Variants in ADGRL3 observed in about 807,000 individuals in gnomAD.
ADGRL3 encodes the protein calcium-independent alpha-latrotoxin receptor 3.
In ADGRL3, 62 loss-of-function variants were observed where a neutral mutation model predicts 153.5. That is an observed-to-expected ratio of 0.40 (90% confidence interval 0.33 to 0.50). ADGRL3 has a LOEUF of 0.50. Among genes scored for constraint, ADGRL3 ranks in the 20% least tolerant of loss-of-function variants. ADGRL3 has a pLI of 0.47. For synonymous variants in ADGRL3, 710 were observed against 672.5 expected (o/e 1.06, Z -0.86); for missense variants, 1,641 against 1,859.4 (o/e 0.88, Z 2.16).
rs997522370 is a variant in ADGRL3, at chr4:61,200,684, T to G, written c.-1321T>G. On this transcript the variant is annotated 5_prime_UTR_variant, in exon 1 of 27. Coordinates refer to ENST00000683033, the MANE Select transcript of ADGRL3 (RefSeq NM_001387552.1). ...CGCGCGCGGGTTGCACGGTTTGCTT[T>G]GGCAGGAGCTCGCTCGTGTGTGCGC... Among the ~76,000 whole-genome samples, 1 of 151,920 alleles carries G rather than the reference T, an allele frequency of 6.6e-6. No individual in the cohort carries two copies. Among genetic ancestry groups the G allele is most frequent in the Non-Finnish European group, 1.5e-5 (1 of 67,964 alleles).
At chr4:61,794,967 G>A (rs1271789863) in intron 8 of ADGRL3, among the ~76,000 whole-genome samples, 3 of 152,088 alleles carry the variant, frequency 2.0e-5, no homozygotes, top group African/African-American at 2.4e-5. Context: ...CTCTTTTCAT[G>A]CCTAAGCAGT....
At chr4:62,061,619 T>G (rs995275739) in intron 25 of ADGRL3, among the ~76,000 whole-genome samples, 5 of 152,016 alleles carry the variant, frequency 3.3e-5, no homozygotes, top group African/African-American at 4.8e-5. Context: ...ACCTCCATCC[T>G]CCATCTTTCA....
intron 1 of ADGRL3, among the ~76,000 whole-genome samples, chr4:61,271,844 C>T (rs2093199976): frequency 6.6e-6 from 1 of 152,018 alleles, no homozygotes; most frequent in South Asian, 2.1e-4. Flanking sequence ...CATAAATCTT[C>T]ATTCTCTTTA....
chr4:62,071,570 A>T lies in ADGRL3; in HGVS notation c.*662A>T, dbSNP rs1745666128. 4.0e-6 allele frequency: 1 copy of T among 249,818 alleles called. No homozygotes were observed. Among genetic ancestry groups the T allele is most frequent in the African/African-American group, 2.3e-5 (1 of 43,104 alleles). The allele number at this position is 249,818 out of a possible 1,614,324, so 15.5% of individuals were successfully genotyped here. ...GTTGAGCAATTTCTATGTAATGTAC[A>T]GATACTAGCATTGCACATATAGTCT... is the stretch of plus-strand genomic sequence containing the variant. On this transcript the variant is annotated 3_prime_UTR_variant, in exon 27 of 27. Coordinates refer to ENST00000683033, the MANE Select transcript of ADGRL3 (RefSeq NM_001387552.1).
chr4:61,490,274 A>G (rs944670356), intron 2 of ADGRL3, among the ~76,000 whole-genome samples: 1 of 145,936 alleles, frequency 6.9e-6, no homozygotes, highest in Non-Finnish European at 1.5e-5. Flanking sequence ...TTCTTTATCA[A>G]ATTTGGATTT....
intron 9 of ADGRL3, among the ~76,000 whole-genome samples, chr4:61,861,766 T>A (rs936068021): frequency 1.9e-4 from 29 of 152,222 alleles, no homozygotes; most frequent in Admixed American, 1.1e-3. Flanking sequence ...ATTTGAAGAT[T>A]GGAGGTGACT....
chr4:61,661,587 C>T (rs556874298), intron 5 of ADGRL3, among the ~76,000 whole-genome samples: 1 of 152,020 alleles, frequency 6.6e-6, no homozygotes, highest in East Asian at 1.9e-4. Flanking sequence ...GAAACTTTGT[C>T]TCTTTAAAGG....
chr4:61,909,294 C>G (rs943216277), intron 11 of ADGRL3, among the ~76,000 whole-genome samples: 4 of 152,030 alleles, frequency 2.6e-5, no homozygotes, highest in Non-Finnish European at 5.9e-5. Flanking sequence ...ACCTAACGAC[C>G]CAAATAGATA....
chr4:61,586,779 ATTGAAATAGAT>A (rs2098948340), intron 4 of ADGRL3, among the ~76,000 whole-genome samples: 1 of 152,262 alleles, frequency 6.6e-6, no homozygotes, highest in Admixed American at 6.5e-5. Context: ...ATGTTGTAAA[ATTGAAATAGAT>A]TACTTAAATA....
chr4:61,741,940 G>C (rs1372869533), intron 8 of ADGRL3, among the ~76,000 whole-genome samples: 2 of 152,200 alleles, frequency 1.3e-5, no homozygotes, highest in African/African-American at 4.8e-5. Context: ...CAGTAATAAA[G>C]AAAGATGACT....
chr4:61,980,437 T>G (rs1458710171), intron 18 of ADGRL3, among the ~76,000 whole-genome samples: 1 of 151,640 alleles, frequency 6.6e-6, no homozygotes, highest in Non-Finnish European at 1.5e-5. Flanking sequence ...TCTTTCTTTG[T>G]TTTTCTTTCT....
At chr4:61,364,745 A>G (rs1284613760) in intron 1 of ADGRL3, among the ~76,000 whole-genome samples, 1 of 152,232 alleles carries the variant, frequency 6.6e-6, no homozygotes, top group Non-Finnish European at 1.5e-5. Flanking sequence ...GGAGTTAGAG[A>G]TGAAGACAGA....
At chr4:61,809,851 T>C (rs1320674386) in intron 8 of ADGRL3, among the ~76,000 whole-genome samples, 1 of 152,052 alleles carries the variant, frequency 6.6e-6, no homozygotes, top group African/African-American at 2.4e-5. Flanking sequence ...CTTTTCTGTG[T>C]ACTAAAAACT....
intron 15 of ADGRL3, among the ~76,000 whole-genome samples, chr4:61,936,812 A>ACACACACACACACG: frequency 6.6e-6 from 1 of 151,796 alleles, no homozygotes; most frequent in Non-Finnish European, 1.5e-5. Context: ...ACACACACAC[A>ACACACACACACACG]CAGAGATATA....
chr4:61,938,761 T>A (rs1189714754), intron 15 of ADGRL3, among the ~76,000 whole-genome samples: 1 of 138,834 alleles, frequency 7.2e-6, no homozygotes, highest in Non-Finnish European at 1.5e-5. Context: ...GTCTCCGCAA[T>A]AAGCTAGGAA....
At chr4:61,580,859 A>G (rs1024106564) in intron 4 of ADGRL3, among the ~76,000 whole-genome samples, 1 of 152,000 alleles carries the variant, frequency 6.6e-6, no homozygotes, top group Non-Finnish European at 1.5e-5. Context: ...GTTTTTAATG[A>G]ACTACTCTCT....
chr4:61,960,066 C>T (rs993690847), intron 17 of ADGRL3, among the ~76,000 whole-genome samples: 4 of 152,056 alleles, frequency 2.6e-5, no homozygotes, highest in African/African-American at 4.8e-5. Flanking sequence ...GTTTCAAAAA[C>T]GTAAGATTTT....
At chr4:62,018,023 C>G (rs1023157667) in intron 21 of ADGRL3, among the ~76,000 whole-genome samples, 2 of 152,074 alleles carry the variant, frequency 1.3e-5, no homozygotes, top group Non-Finnish European at 2.9e-5. Flanking sequence ...TAATAAGAGG[C>G]TGGCACTTAA....
rs543032633 is a variant in ADGRL3 at position 61,220,630 on chromosome 4, A to G, written c.-240+18865A>G. On this transcript the variant is annotated intron_variant, in intron 1 of 26. Coordinates refer to ENST00000683033, the MANE Select transcript of ADGRL3 (RefSeq NM_001387552.1). ...GGAGTGGAACACAGTGGTTCAAGCCATTTCCTTTTTTTCCCCTTTGCTCCT... is the reference window on the plus strand; with the variant it reads ...GGAGTGGAACACAGTGGTTCAAGCCGTTTCCTTTTTTTCCCCTTTGCTCCT... Among the ~76,000 whole-genome samples the G allele has an allele frequency of 7.3e-5, 11 of 150,274 alleles. No homozygotes were observed. The East Asian group carries it at 2.1e-3, about 29-fold the overall frequency.
Sources: allele counts gnomAD v4.1 joint callset (sites outside exome capture counted in the v4.1 genomes callset), GRCh38; gene constraint gnomAD v4.1.1; transcripts MANE v1.5; gene names NCBI Gene and HGNC (gene_info 2026-07-23, HGNC 2026-07-21).